CLCN6: variants seen among roughly 807,000 people sequenced by gnomAD.
CLCN6 encodes H(+)/Cl(-) exchange transporter 6.
A neutral mutation model predicts 109.8 loss-of-function variants in CLCN6; 70 were observed. The observed-to-expected ratio is 0.64, with a 90% CI of 0.53 to 0.78. The LOEUF is 0.78. CLCN6 is among the 30% of genes least tolerant of loss of function. The probability of loss-of-function intolerance (pLI) is 0.00; values close to 1 mark genes in which losing one functional copy is unlikely to be tolerated. For synonymous variants in CLCN6, 444 were observed against 447.8 expected, an observed-to-expected ratio of 0.99 and a Z score of 0.11; for missense variants, 984 against 1,142.3, an observed-to-expected ratio of 0.86 and a Z score of 2.00.
chr1:11,824,159 T>C (rs537269141), intron 7 of CLCN6, among the ~76,000 whole-genome samples: 10 of 152,248 alleles, frequency 6.6e-5, no homozygotes, highest in Non-Finnish European at 1.3e-4. Context: ...GAAGCTCTTA[T>C]GTAGATGTTT....
Position 11,834,235 on chromosome 1 carries a change from G to T in CLCN6, c.1527-1G>T. ...ATGTTCTCGGTGTTTTCCTTCACTA[G>T]CTACATTGGATTGGGCCACATCTAT... is the stretch of plus-strand genomic sequence containing the variant. On this transcript the variant is annotated splice_acceptor_variant, in intron 15 of 22. Transcript: ENST00000346436. LOFTEE classifies it high-confidence loss of function. This position sits in a 1 kb window ranked among gnomAD's most constrained non-coding sequence, Gnocchi z 4.5. 6.2e-7 allele frequency: 1 copy of T among 1,611,032 alleles called. No individual in the cohort carries two copies.
chr1:11,809,847 A>G (rs796848788), intron 2 of CLCN6, among the ~76,000 whole-genome samples: 29 of 152,384 alleles, frequency 1.9e-4, no homozygotes, highest in African/African-American at 6.3e-4. Flanking sequence ...TCTTGAGAGC[A>G]CTTGCTTTGT....
Position 11,833,999 on chromosome 1 carries a change from T to A in CLCN6, c.1495T>A (p.Phe499Ile). 1.9e-6 allele frequency: 3 copies of A among 1,614,156 alleles called. No individual in the cohort carries two copies. The highest frequency in any genetic ancestry group is 3.3e-4 in the Middle Eastern group (2 of 6,058). The change falls in exon 15 of 23, where the codon TTT becomes ATT. Residue 499 changes from phenylalanine to isoleucine, a missense_variant. Physicochemically the swap from Phe to Ile is conservative, Grantham distance 21. Coordinates refer to ENST00000346436, the MANE Select transcript of CLCN6 (RefSeq NM_001286.5). ...GCCTTCTCTGCTGTGTGGAGCTGCT[T>A]TTGGACGTTTAGTTGCCAATGTCCT... ...FVPSLLCGAAFGRLVANVLKS... is the reference protein window; with the variant it reads ...FVPSLLCGAAIGRLVANVLKS...
chr1:11,839,598 C>T (rs1644993876), intron 22 of CLCN6, among the ~76,000 whole-genome samples: 1 of 152,236 alleles, frequency 6.6e-6, no homozygotes, highest in Non-Finnish European at 1.5e-5. Flanking sequence ...CCCTGGCATG[C>T]ATAGTGCGTA....
intron 22 of CLCN6, among the ~76,000 whole-genome samples, chr1:11,839,693 T>C (rs995386950): frequency 2.0e-5 from 3 of 152,236 alleles, no homozygotes; most frequent in Admixed American, 6.5e-5. Flanking sequence ...TAACATAGTT[T>C]ATGACGTGGC....
chr1:11,828,257 C>T, intron 11 of CLCN6, 38 bp downstream of exon 11: 2 of 1,573,188 alleles, frequency 1.3e-6, no homozygotes. Flanking sequence ...TTTAATTTGA[C>T]CCATGAAAAT....
intron 13 of CLCN6, among the ~76,000 whole-genome samples, chr1:11,830,783 TACACACACAC>T (rs71585869): frequency 3.6e-5 from 5 of 137,844 alleles, no homozygotes; most frequent in Admixed American, 7.2e-5. Context: ...ACACTATATA[TACACACACAC>T]ACACACACAC....
Position 11,842,612 on chromosome 1 carries a change from C to T in CLCN6, c.*2389C>T, listed in dbSNP as rs41310357. On this transcript the variant is annotated 3_prime_UTR_variant, in exon 23 of 23. Transcript: ENST00000346436. ...AGCAGATCTGTGGATGGGGAGCCTA[C>T]GGGTGGTAAGAAGTGGTGTTTTGTG... 743 of 152,818 alleles carry T rather than the reference C, an allele frequency of 4.9e-3. 2 individuals are homozygous for T. Among genetic ancestry groups the T allele is most frequent in the Non-Finnish European group, 7.6e-3 (516 of 68,058 alleles). 9.5% of individuals were successfully genotyped at this position (152,818 alleles called of 1,614,324 possible).
At chr1:11,827,261 C>T (rs1408788627) in intron 10 of CLCN6, 40 bp downstream of exon 10, 9 of 1,585,998 alleles carry the variant, frequency 5.7e-6, no homozygotes, top group Admixed American at 1.8e-5. Context: ...CCACACCCCC[C>T]GAATTACACT....
chr1:11,824,657 G>GGTGCCATTCTGGCTTCACGTGT lies in CLCN6; in HGVS notation c.648+105_648+126dup. ...ACACCCTGACATCACATTGGAACCT[G>GGTGCCATTCTGGCTTCACGTGT]GTGCCATTCTGGCTTCACGTGTAAA... On this transcript the variant is annotated intron_variant, in intron 8 of 22. Transcript: ENST00000346436. The GGTGCCATTCTGGCTTCACGTGT allele has an allele frequency of 6.1e-6, 5 of 820,028 alleles. No homozygotes were observed. The South Asian group carries it at 1.1e-4, about 18-fold the overall frequency. 50.8% of individuals were successfully genotyped at this position (820,028 alleles called of 1,614,324 possible).
chr1:11,808,233 GT>G (rs2100599428), intron 2 of CLCN6, among the ~76,000 whole-genome samples: 1 of 100,930 alleles, frequency 9.9e-6, no homozygotes, highest in Non-Finnish European at 2.0e-5. Context: ...GTGTTTGTGT[GT>G]GTGTGTGTGT....
In CLCN6 at chr1:11,835,376, G is replaced by A. The variant is rs146120906; in HGVS notation, c.1794-591G>A. 7.2e-3 allele frequency among the ~76,000 whole-genome samples: 1,089 copies of A among 152,256 alleles called. 4 individuals carry two copies. Among genetic ancestry groups the A allele is most frequent in the African/African-American group, 0.025 (1,025 of 41,536 alleles). On this transcript the variant is annotated intron_variant, in intron 17 of 22. Coordinates refer to ENST00000346436, the MANE Select transcript of CLCN6 (RefSeq NM_001286.5). ...CAACCTATGCCTCCCAGGCTCAAGC[G>A]ATCCTCCACCTCAGCCTCCTGAGTA...
chr1:11,840,548 A>C lies in CLCN6; in HGVS notation c.*325A>C. 1 of 433,878 alleles carries C rather than the reference A, an allele frequency of 2.3e-6. No individual in the cohort carries two copies. The highest frequency in any genetic ancestry group is 4.3e-6 in the Non-Finnish European group (1 of 232,454). The allele number at this position is 433,878 out of a possible 1,614,324, so 26.9% of individuals were successfully genotyped here. On this transcript the variant is annotated 3_prime_UTR_variant, in exon 23 of 23. Coordinates refer to ENST00000346436, the MANE Select transcript of CLCN6 (RefSeq NM_001286.5). ...TAGAATCAGGCGGGCCCCGGGCTGC[A>C]CTCCGAGCAGTGTTCCTGGCCATCT...
chr1:11,810,104 T>C (rs113586584), intron 2 of CLCN6, among the ~76,000 whole-genome samples: 3,725 of 152,314 alleles, frequency 0.024, 66 homozygotes, highest in Non-Finnish European at 0.038. Flanking sequence ...AATGGAGTTA[T>C]AGGGTTTTCT....
chr1:11,827,498 C>T (rs375101018), intron 10 of CLCN6, among the ~76,000 whole-genome samples: 1 of 143,548 alleles, frequency 7.0e-6, no homozygotes, highest in Non-Finnish European at 1.5e-5. Flanking sequence ...GGCAGTGACG[C>T]GATCTCGGCT....
chr1:11,833,842 C>G, intron 14 of CLCN6, 35 bp from the exon 15 acceptor site: 1 of 1,592,748 alleles, frequency 6.3e-7, no homozygotes, highest in Non-Finnish European at 8.5e-7. Context: ...GGCAGGCATC[C>G]GGTAGTGGGA....
At chr1:11,806,401 AG>A (rs1644510503) in intron 1 of CLCN6, 52 bp downstream of exon 1, 2 of 1,434,322 alleles carry the variant, frequency 1.4e-6, no homozygotes, top group African/African-American at 3.0e-5. Context: ...TAAGGGACTG[AG>A]AGAGGCGTTG....
Position 11,837,374 on chromosome 1 carries a change from C to T in CLCN6, c.2170C>T (p.Gln724Ter), listed in dbSNP as rs1352463915. ...YTPYPNLYPD[Q>*]SPSEDWTMEE... is the part of the protein sequence containing the mutation. ...TCCCTACCCCAACCTATACCCTGAC[C>T]AGTCCCCAAGTGAAGACTGGACCAT... Residue 724 changes from glutamine (Q) to a stop codon, truncating the protein, a stop_gained, in exon 20 of 23, where the codon CAG (glutamine) becomes TAG (stop). Coordinates refer to ENST00000346436, the MANE Select transcript of CLCN6 (RefSeq NM_001286.5). LOFTEE classifies it high-confidence loss of function. 2 of 1,613,862 alleles carry T rather than the reference C, an allele frequency of 1.2e-6. No homozygotes were observed. Among genetic ancestry groups the T allele is most frequent in the Middle Eastern group, 1.6e-4 (1 of 6,062 alleles).
intron 12 of CLCN6, 25 bp from the exon 13 acceptor site, chr1:11,829,171 G>GT (rs1644849982): frequency 1.2e-6 from 2 of 1,608,546 alleles, no homozygotes; most frequent in South Asian, 2.2e-5. Context: ...CTGTGGCGTT[G>GT]TAACAGCTGT....
Sources: allele counts gnomAD v4.1 joint callset (sites outside exome capture counted in the v4.1 genomes callset), GRCh38; gene constraint gnomAD v4.1.1; non-coding constraint Gnocchi (gnomAD v3.1); transcripts MANE v1.5; gene names NCBI Gene and HGNC (gene_info 2026-07-23, HGNC 2026-07-21).